Variants in ATP6V1H observed in about 807,000 individuals in gnomAD.
The protein encoded by ATP6V1H is V-type proton ATPase subunit H.
A neutral mutation model predicts 71.7 loss-of-function variants in ATP6V1H; 39 were observed. The ratio of observed to expected loss-of-function variants is 0.54; its 90% CI spans 0.42 to 0.71. ATP6V1H has a LOEUF of 0.71. Among genes scored for constraint, ATP6V1H ranks in the 30% least tolerant of loss-of-function variants. The pLI, the probability that ATP6V1H is intolerant of heterozygous loss-of-function variation, is 0.00. For missense variants in ATP6V1H, 509 were observed against 594.9 expected, an observed-to-expected ratio of 0.86 and a Z score of 1.50; for synonymous variants, 192 against 199.3, an observed-to-expected ratio of 0.96 and a Z score of 0.31.
At chr8:53,840,225 C>T (rs960976260) in intron 2 of ATP6V1H, among the ~76,000 whole-genome samples, 2 of 152,144 alleles carry the variant, frequency 1.3e-5, no homozygotes, top group Non-Finnish European at 2.9e-5. Context: ...GAGCCGGGCA[C>T]GGTGGCTCAC....
At chr8:53,716,896 G>C (rs1284923844) in intron 13 of ATP6V1H, among the ~76,000 whole-genome samples, 1 of 152,144 alleles carries the variant, frequency 6.6e-6, no homozygotes, top group Non-Finnish European at 1.5e-5. Context: ...GGCTTTTTAA[G>C]AAAAAACTAT....
chr8:53,738,978 A>G (rs1243513724), intron 13 of ATP6V1H, among the ~76,000 whole-genome samples: 1 of 152,196 alleles, frequency 6.6e-6, no homozygotes, highest in Non-Finnish European at 1.5e-5. Context: ...TCAAATACAG[A>G]AAACATATGA....
intron 5 of ATP6V1H, among the ~76,000 whole-genome samples, chr8:53,816,034 T>G (rs1226797581): frequency 1.3e-5 from 2 of 152,202 alleles, no homozygotes; most frequent in African/African-American, 4.8e-5. Flanking sequence ...AACCAAACAG[T>G]GAAGAAAACA....
chr8:53,769,804 G>A, intron 10 of ATP6V1H, 61 bp from the exon 11 acceptor site: 1 of 1,420,482 alleles, frequency 7.0e-7, no homozygotes, highest in East Asian at 2.4e-5. Flanking sequence ...CCAAAATTAA[G>A]CAAAATAAAA....
chr8:53,764,312 A>G (rs1179887842), intron 11 of ATP6V1H, among the ~76,000 whole-genome samples: 1 of 152,238 alleles, frequency 6.6e-6, no homozygotes, highest in Non-Finnish European at 1.5e-5. Context: ...CTAATAACAT[A>G]TAAAACGAAT....
Position 53,749,577 on chromosome 8 carries a change from C to T in ATP6V1H, c.1278-5887G>A, listed in dbSNP as rs6996797. ...TGCTGGAGGTCTGGGGTAGCTACAT[C>T]GGCTTATAACTGAGCTTTTAGGCCA... On this transcript the variant is annotated intron_variant, in intron 12 of 13. Coordinates refer to ENST00000359530, the MANE Select transcript of ATP6V1H (RefSeq NM_015941.4). Among the ~76,000 whole-genome samples, 318 of 152,230 alleles carry T rather than the reference C, an allele frequency of 2.1e-3. 1 individual carries two copies. Among genetic ancestry groups the T allele is most frequent in the African/African-American group, 7.2e-3 (301 of 41,528 alleles).
intron 4 of ATP6V1H, among the ~76,000 whole-genome samples, chr8:53,828,081 T>C (rs1231240161): frequency 6.6e-6 from 1 of 152,188 alleles, no homozygotes; most frequent in East Asian, 1.9e-4. Flanking sequence ...CACGTGTGTG[T>C]GGTCTTTACA....
Position 53,773,638 on chromosome 8 carries a change from C to G in ATP6V1H, c.871-1471G>C, listed in dbSNP as rs1213372514. Reference sequence around the variant, plus strand: ...AAGTGAAGCTGGAAAACCATGAACACTGAGGGCTAAGGCTGGGGGGAGCCC... The same window carrying G: ...AAGTGAAGCTGGAAAACCATGAACAGTGAGGGCTAAGGCTGGGGGGAGCCC... On this transcript the variant is annotated intron_variant, in intron 9 of 13. Coordinates refer to ENST00000359530, the MANE Select transcript of ATP6V1H (RefSeq NM_015941.4). Among the ~76,000 whole-genome samples the G allele has an allele frequency of 3.3e-5, 5 of 152,284 alleles. No homozygotes were observed. The East Asian group carries it at 9.6e-4, about 29-fold the overall frequency.
At chr8:53,802,402 C>A (rs1585804117) in intron 7 of ATP6V1H, among the ~76,000 whole-genome samples, 1 of 152,274 alleles carries the variant, frequency 6.6e-6, no homozygotes, top group African/African-American at 2.4e-5. Context: ...CTGCCAAGCA[C>A]CCTGAATATT....
At chr8:53,777,339 T>C (rs1156425587) in intron 9 of ATP6V1H, among the ~76,000 whole-genome samples, 1 of 151,884 alleles carries the variant, frequency 6.6e-6, no homozygotes, top group African/African-American at 2.4e-5. Flanking sequence ...TAACACATTA[T>C]ATACAGGGGA....
Position 53,817,501 on chromosome 8 carries a change from A to G in ATP6V1H, c.336T>C (p.Phe112=). Residue 112 remains phenylalanine (F), a synonymous_variant, in exon 5 of 14, where the codon TTT becomes TTC. Coordinates refer to ENST00000359530, the MANE Select transcript of ATP6V1H (RefSeq NM_015941.4). ...QENHQRVSIF[F]DYARCSKNTA... Reference sequence around the variant, plus strand: ...TGTTCTTGCTACATCTTGCATAGTCAAAGAAAATGCTAACACGCTGATGAT... The same window carrying G: ...TGTTCTTGCTACATCTTGCATAGTCGAAGAAAATGCTAACACGCTGATGAT... 2.5e-6 allele frequency: 4 copies of G among 1,613,046 alleles called. No individual in the cohort carries two copies. The highest frequency in any genetic ancestry group is 3.4e-6 in the Non-Finnish European group (4 of 1,179,436).
At chr8:53,781,891 T>C (rs955696512) in intron 9 of ATP6V1H, among the ~76,000 whole-genome samples, 1 of 152,204 alleles carries the variant, frequency 6.6e-6, no homozygotes, top group Admixed American at 6.5e-5. Flanking sequence ...TTCTGTTCCA[T>C]TGGTTTATAT....
chr8:53,818,021 G>C (rs1810508230), intron 4 of ATP6V1H, among the ~76,000 whole-genome samples: 1 of 152,160 alleles, frequency 6.6e-6, no homozygotes, highest in African/African-American at 2.4e-5. Context: ...TAGAAAACTT[G>C]GGATAAAGAC....
chr8:53,803,632 G>A (rs1056741902), intron 7 of ATP6V1H, among the ~76,000 whole-genome samples: 2 of 151,988 alleles, frequency 1.3e-5, no homozygotes, highest in Admixed American at 1.3e-4. Context: ...ATCTTGGGTT[G>A]TACCTAAAAA....
At chr8:53,753,781 C>G (rs2130239133) in intron 12 of ATP6V1H, among the ~76,000 whole-genome samples, 1 of 152,026 alleles carries the variant, frequency 6.6e-6, no homozygotes, top group East Asian at 1.9e-4. Context: ...ATAGTAAAAC[C>G]AATTATTTTT....
intron 9 of ATP6V1H, among the ~76,000 whole-genome samples, chr8:53,788,100 C>T (rs923531035): frequency 1.3e-5 from 2 of 152,184 alleles, no homozygotes; most frequent in Non-Finnish European, 2.9e-5. Flanking sequence ...AATGGCTTTA[C>T]TATGTCTTTA....
intron 9 of ATP6V1H, among the ~76,000 whole-genome samples, chr8:53,789,096 T>C (rs910251191): frequency 6.6e-6 from 1 of 152,166 alleles, no homozygotes; most frequent in Non-Finnish European, 1.5e-5. Context: ...GATAGATGAA[T>C]AAATACAAGA....
chr8:53,817,000 C>G (rs1172806583), intron 5 of ATP6V1H, among the ~76,000 whole-genome samples: 1 of 152,122 alleles, frequency 6.6e-6, no homozygotes, highest in Non-Finnish European at 1.5e-5. Context: ...TACAAAACCT[C>G]AACTGCATCA....
At chr8:53,716,554 G>A (rs546543279) in intron 13 of ATP6V1H, among the ~76,000 whole-genome samples, 1 of 152,324 alleles carries the variant, frequency 6.6e-6, no homozygotes, top group African/African-American at 2.4e-5. Context: ...CACACCATCA[G>A]GAGCTACTGG....
Sources: allele counts gnomAD v4.1 joint callset (sites outside exome capture counted in the v4.1 genomes callset), GRCh38; gene constraint gnomAD v4.1.1; transcripts MANE v1.5; gene names NCBI Gene and HGNC (gene_info 2026-07-23, HGNC 2026-07-21).